PPFIA2: variants seen among roughly 807,000 people sequenced by gnomAD.
PPFIA2 encodes liprin-alpha-2.
Under a neutral mutation model 175.5 loss-of-function variants are expected in PPFIA2, and 46 were observed. The observed-to-expected ratio is 0.26, with a 90% CI of 0.21 to 0.34. PPFIA2 has a LOEUF of 0.34. Among genes scored for constraint, PPFIA2 ranks in the 10% least tolerant of loss-of-function variants. PPFIA2 has a pLI of 1.00. For synonymous variants in PPFIA2, 568 were observed against 511.4 expected (o/e 1.11, Z -1.49); for missense variants, 1,179 against 1,506.1 (o/e 0.78, Z 3.60).
intron 7 of PPFIA2, among the ~76,000 whole-genome samples, chr12:81,409,895 G>C (rs953275589): frequency 5.3e-5 from 8 of 152,068 alleles, no homozygotes; most frequent in African/African-American, 1.9e-4. Context: ...AAGATTAATG[G>C]GGACAACTGC....
chr12:81,512,276 A>G (rs1567137470), intron 4 of PPFIA2: 2 of 1,283,572 alleles, frequency 1.6e-6, no homozygotes, highest in Non-Finnish European at 2.0e-6. Flanking sequence ...TGCTGACACA[A>G]AACATACCTG....
chr12:81,347,688 GGC>G lies in PPFIA2; in HGVS notation c.2075_2076del (p.Gly692AlafsTer55). 6.2e-7 allele frequency: 1 copy of G among 1,613,848 alleles called. No homozygotes were observed. The highest frequency in any genetic ancestry group is 8.5e-7 in the Non-Finnish European group (1 of 1,179,810). ...CCTGGGTGGACCCTTGCCAAATTCA[GGC>G]CTTCGAGGCTCACACTAGCCACTCT... is the stretch of plus-strand genomic sequence containing the variant. ...ENRVASVSLE[G>X]LNLARVHPGT... is the part of the protein sequence containing the mutation. On this transcript the variant is annotated frameshift_variant, in exon 18 of 33. Transcript: ENST00000549396. LOFTEE classifies it high-confidence loss of function.
intron 4 of PPFIA2, among the ~76,000 whole-genome samples, chr12:81,541,262 C>CT (rs1275090651): frequency 2.6e-5 from 4 of 151,820 alleles, no homozygotes; most frequent in East Asian, 1.9e-4. Context: ...CAGGCATTTT[C>CT]TTTTTTTAAT....
At chr12:81,662,079 T>G (rs1173019145) in intron 4 of PPFIA2, among the ~76,000 whole-genome samples, 3 of 152,042 alleles carry the variant, frequency 2.0e-5, no homozygotes, top group Admixed American at 2.0e-4. Context: ...TAGCACTAAA[T>G]GCCCACAAGA....
rs532128488 is a variant in PPFIA2, at chr12:81,561,517, CA to C, written c.304-103652del. Among the ~76,000 whole-genome samples, 67 of 151,354 alleles carry C rather than the reference CA, an allele frequency of 4.4e-4. 1 individual carries two copies. In the South Asian group the frequency reaches 0.012, roughly 27 times the overall value. On this transcript the variant is annotated intron_variant, in intron 4 of 32. Coordinates refer to ENST00000549396, the MANE Select transcript of PPFIA2 (RefSeq NM_003625.5). ...GGTAATACAGGAGGGAGTCCCCCCC[CA>C]AAAAAAACGTTAAGCAAATCTGTTG... is the stretch of plus-strand genomic sequence containing the variant.
chr12:81,510,455 A>G (rs957556909), intron 4 of PPFIA2, among the ~76,000 whole-genome samples: 1 of 152,216 alleles, frequency 6.6e-6, no homozygotes, highest in Non-Finnish European at 1.5e-5. Context: ...TAAAACAGGT[A>G]TATACAATAT....
chr12:81,739,478 T>A (rs1159319940), intron 3 of PPFIA2, among the ~76,000 whole-genome samples: 1 of 152,050 alleles, frequency 6.6e-6, no homozygotes, highest in African/African-American at 2.4e-5. Context: ...AAAGATAATA[T>A]AATTTTGATA....
intron 3 of PPFIA2, among the ~76,000 whole-genome samples, chr12:81,716,663 T>C (rs1425682736): frequency 1.3e-5 from 2 of 151,766 alleles, no homozygotes; most frequent in Non-Finnish European, 2.9e-5. Flanking sequence ...TTAGAAGTGA[T>C]GCTTTAAACG....
rs556074235 is a variant in PPFIA2, at chr12:81,312,352, G to A, written c.2643-12970C>T. ...TCATGACACACATACTCACTGCGTCGAAAAGCATAGTCAGGCTGAGGGTAG... is the reference window on the plus strand; with the variant it reads ...TCATGACACACATACTCACTGCGTCAAAAAGCATAGTCAGGCTGAGGGTAG... On this transcript the variant is annotated intron_variant, in intron 22 of 32. Transcript: ENST00000549396. 478 of 607,148 alleles carry A rather than the reference G, an allele frequency of 7.9e-4. 6 individuals are homozygous for A. The highest frequency in any genetic ancestry group is 3.0e-3 in the Middle Eastern group (7 of 2,310). The allele number at this position is 607,148 out of a possible 1,614,324, so 37.6% of individuals were successfully genotyped here.
chr12:81,498,546 A>C (rs2060259953), intron 4 of PPFIA2, among the ~76,000 whole-genome samples: 1 of 152,134 alleles, frequency 6.6e-6, no homozygotes, highest in Admixed American at 6.5e-5. Context: ...CACAGAGAGG[A>C]TGTGTCCTTC....
intron 22 of PPFIA2, among the ~76,000 whole-genome samples, chr12:81,319,601 T>C (rs1330134355): frequency 6.6e-6 from 1 of 151,884 alleles, no homozygotes; most frequent in Non-Finnish European, 1.5e-5. Context: ...ATTGTGTCTG[T>C]ACTAAATAAA....
At chr12:81,692,402 A>G (rs1473791176) in intron 3 of PPFIA2, among the ~76,000 whole-genome samples, 1 of 152,168 alleles carries the variant, frequency 6.6e-6, no homozygotes, top group Non-Finnish European at 1.5e-5. Flanking sequence ...ATGAAATAAT[A>G]TAAATTGTTT....
At chr12:81,433,526 C>T (rs1434621631) in intron 7 of PPFIA2, among the ~76,000 whole-genome samples, 2 of 152,094 alleles carry the variant, frequency 1.3e-5, no homozygotes, top group African/African-American at 4.8e-5. Flanking sequence ...TCCATTTCTT[C>T]CTTTCAGAGA....
At chr12:81,332,818 C>CT (rs1346626114) in intron 21 of PPFIA2, among the ~76,000 whole-genome samples, 1 of 152,150 alleles carries the variant, frequency 6.6e-6, no homozygotes, top group African/African-American at 2.4e-5. Context: ...TAAGTAGCTG[C>CT]TCTGTCTTCT....
chr12:81,578,216 G>GCA (rs1435930801), intron 4 of PPFIA2, among the ~76,000 whole-genome samples: 2 of 151,700 alleles, frequency 1.3e-5, no homozygotes, highest in Non-Finnish European at 3.0e-5. Context: ...ATTTCAGAAG[G>GCA]CACACACTGT....
chr12:81,711,433 A>G (rs189042489), intron 3 of PPFIA2, among the ~76,000 whole-genome samples: 4 of 151,472 alleles, frequency 2.6e-5, no homozygotes, highest in Non-Finnish European at 5.9e-5. Context: ...CATATAAACT[A>G]AACTATATGA....
At chr12:81,278,411 C>T (rs950530667) in intron 27 of PPFIA2, among the ~76,000 whole-genome samples, 3 of 152,004 alleles carry the variant, frequency 2.0e-5, no homozygotes, top group Non-Finnish European at 4.4e-5. Context: ...TGTGGTGGCA[C>T]ATGCCTGTAG....
chr12:81,517,150 C>G (rs1186802897), intron 4 of PPFIA2, among the ~76,000 whole-genome samples: 1 of 137,946 alleles, frequency 7.2e-6, no homozygotes, highest in Non-Finnish European at 1.5e-5. Flanking sequence ...GTTCAGAGCT[C>G]TAGTAGAAGA....
rs181416743 is a variant in PPFIA2, at chr12:81,485,539, T to C, written c.304-27673A>G. Among the ~76,000 whole-genome samples the C allele has an allele frequency of 1.5e-3, 229 of 151,946 alleles. 1 individual carries two copies. The highest frequency in any genetic ancestry group is 5.2e-3 in the African/African-American group (217 of 41,528). Reference sequence around the variant, plus strand: ...CACCTCAAATCTGTCACCCCTTTTGTGAATGAAAAATATTTATTTTAAAAC... The same window carrying C: ...CACCTCAAATCTGTCACCCCTTTTGCGAATGAAAAATATTTATTTTAAAAC... On this transcript the variant is annotated intron_variant, in intron 4 of 32. Coordinates refer to ENST00000549396, the MANE Select transcript of PPFIA2 (RefSeq NM_003625.5).
Sources: gnomAD v4.1 joint callset for allele counts (sites outside exome capture counted in the v4.1 genomes callset) on GRCh38, gnomAD v4.1.1 for gene constraint, MANE v1.5 for transcripts, NCBI Gene and HGNC (gene_info 2026-07-23, HGNC 2026-07-21) for gene names.